The following CDK7 variants were observed in gnomAD, a reference collection of about 807,000 sequenced individuals.
The protein encoded by CDK7 is cyclin dependent kinase 7.
A neutral mutation model predicts 49.1 loss-of-function variants in CDK7; 25 were observed. The observed-to-expected ratio is 0.51, with a 90% CI of 0.37 to 0.71. The LOEUF (loss-of-function observed/expected upper bound fraction) is 0.71, where lower values mean the gene tolerates loss of function less well. CDK7 is among the 30% of genes least tolerant of loss of function. CDK7 has a pLI of 0.00. For missense variants in CDK7, 316 were observed against 411.7 expected (o/e 0.77, Z 2.01); for synonymous variants, 107 against 140.0 (o/e 0.76, Z 1.67).
intron 8 of CDK7, among the ~76,000 whole-genome samples, chr5:69,268,558 A>G (rs1162707199): frequency 6.6e-6 from 1 of 152,230 alleles, no homozygotes; most frequent in Non-Finnish European, 1.5e-5. Context: ...CAGGTATCAA[A>G]AACCACTTTG....
intron 2 of CDK7, among the ~76,000 whole-genome samples, chr5:69,246,768 C>T (rs1033587063): frequency 2.0e-5 from 3 of 151,460 alleles, no homozygotes; most frequent in Non-Finnish European, 4.4e-5. Context: ...CTGCTTTCCC[C>T]GTATCCCAAG....
In CDK7 at chr5:69,255,679, C is replaced by T. The variant is rs753966897; in HGVS notation, c.297+151C>T. ...GATGTACTCTGAGGCAAAAGGATCTCTAGTTATTTTCTTCTAATCATTTAG... is the reference window on the plus strand; with the variant it reads ...GATGTACTCTGAGGCAAAAGGATCTTTAGTTATTTTCTTCTAATCATTTAG... On this transcript the variant is annotated intron_variant, in intron 5 of 11. Transcript: ENST00000256443. 25 of 708,142 alleles carry T rather than the reference C, an allele frequency of 3.5e-5. 1 individual carries two copies. The Middle Eastern group carries it at 7.1e-4, about 20-fold the overall frequency. 43.9% of individuals were successfully genotyped at this position (708,142 alleles called of 1,614,324 possible).
intron 2 of CDK7, among the ~76,000 whole-genome samples, chr5:69,240,697 G>A (rs1416712489): frequency 2.0e-5 from 3 of 152,102 alleles, no homozygotes; most frequent in African/African-American, 7.2e-5. Context: ...GCGCGATCTC[G>A]GCTCACTGCA....
At chr5:69,259,747 C>T (rs982080809) in intron 6 of CDK7, 71 bp from the exon 7 acceptor site, 20 of 889,758 alleles carry the variant, frequency 2.2e-5, no homozygotes, top group Middle Eastern at 2.7e-4. Flanking sequence ...AAAGTTATGC[C>T]AACTAAATGT....
intron 9 of CDK7, among the ~76,000 whole-genome samples, chr5:69,271,503 AT>A (rs1012281655): frequency 3.3e-4 from 41 of 123,684 alleles, no homozygotes; most frequent in East Asian, 1.2e-3. Flanking sequence ...TTTTTTGACA[AT>A]TTTTTTTTCT....
intron 1 of CDK7, 118 bp from the exon 2 acceptor site, chr5:69,235,276 C>T: frequency 1.2e-6 from 1 of 855,096 alleles, no homozygotes; most frequent in Non-Finnish European, 1.9e-6. Flanking sequence ...CGCCACGTTT[C>T]CAGCCGCCGC....
At chr5:69,261,202 G>T (rs1750787772) in intron 7 of CDK7, among the ~76,000 whole-genome samples, 1 of 152,210 alleles carries the variant, frequency 6.6e-6, no homozygotes, top group South Asian at 2.1e-4. Context: ...TGAGTAAGAA[G>T]TAGGGGATGT....
At chr5:69,247,020 T>A (rs1055173929) in intron 2 of CDK7, among the ~76,000 whole-genome samples, 1 of 152,246 alleles carries the variant, frequency 6.6e-6, no homozygotes, top group Non-Finnish European at 1.5e-5. Context: ...GCCTAACATA[T>A]GGTCTGTCCT....
At position 69,235,200 on chromosome 5, in the gene CDK7, TG is replaced by T. The variant is rs1748876029; in HGVS notation, c.66+164del. On this transcript the variant is annotated intron_variant, in intron 1 of 11. Transcript: ENST00000256443. ...CACTTGCTGCCCATTCTTTACATCC[TG>T]GGGGTGAATCCCTGAGGGGCCTCTC... 2.2e-5 allele frequency: 17 copies of T among 772,590 alleles called. No individual in the cohort carries two copies. In the South Asian group the frequency reaches 2.7e-4, roughly 12 times the overall value. 47.9% of individuals were successfully genotyped at this position (772,590 alleles called of 1,614,324 possible). A position where few individuals can be genotyped will look rare whatever the true frequency, so the allele number is the denominator to read the frequency against.
chr5:69,237,862 C>A (rs779746930), intron 2 of CDK7, among the ~76,000 whole-genome samples: 1 of 152,156 alleles, frequency 6.6e-6, no homozygotes, highest in South Asian at 2.1e-4. Context: ...TTGCCTAGGC[C>A]TCCCTAATTG....
intron 5 of CDK7, among the ~76,000 whole-genome samples, chr5:69,257,435 T>C (rs529150625): frequency 8.9e-4 from 136 of 152,338 alleles, no homozygotes; most frequent in African/African-American, 3.2e-3. Flanking sequence ...AGTCTTACGC[T>C]TTAACTAAGC....
chr5:69,251,566 G>A (rs1462173310), intron 2 of CDK7, among the ~76,000 whole-genome samples: 1 of 152,082 alleles, frequency 6.6e-6, no homozygotes, highest in Non-Finnish European at 1.5e-5. Flanking sequence ...GTTTGAGACA[G>A]TCTCTCTCTG....
At position 69,251,829 on chromosome 5, in the gene CDK7, C is replaced by T. The variant is rs1025763654; in HGVS notation, c.127-589C>T. Among the ~76,000 whole-genome samples the T allele has an allele frequency of 5.3e-5, 8 of 152,320 alleles. No individual in the cohort carries two copies. The East Asian group carries it at 9.6e-4, about 18-fold the overall frequency. On this transcript the variant is annotated intron_variant, in intron 2 of 11. Transcript: ENST00000256443. ...ATTTACAAGTGTGAGCCACTACACC[C>T]CGCCAGTCTTTTCTTGATTACTGAC...
At chr5:69,267,835 C>G (rs1751261798) in intron 8 of CDK7, among the ~76,000 whole-genome samples, 2 of 152,112 alleles carry the variant, frequency 1.3e-5, no homozygotes, top group Admixed American at 6.6e-5. Flanking sequence ...ACAACCTTGT[C>G]CACAATTTGG....
intron 2 of CDK7, among the ~76,000 whole-genome samples, chr5:69,236,948 G>A (rs149820771): frequency 0.03 from 4,314 of 142,628 alleles, 236 homozygotes; most frequent in African/African-American, 0.11. Context: ...CACTGTGCCT[G>A]GCCTTCTTTT....
At chr5:69,238,242 G>A (rs967815815) in intron 2 of CDK7, among the ~76,000 whole-genome samples, 20 of 149,330 alleles carry the variant, frequency 1.3e-4, no homozygotes, top group African/African-American at 2.5e-5. Context: ...TCTTAAATCT[G>A]TGTATCTCAA....
chr5:69,264,580 A>G (rs780231705), intron 8 of CDK7, among the ~76,000 whole-genome samples: 6 of 152,314 alleles, frequency 3.9e-5, no homozygotes, highest in Admixed American at 2.0e-4. Context: ...GGATTCTAGA[A>G]TGTACCAACA....
At position 69,277,151 on chromosome 5, in the gene CDK7, A is replaced by G. The variant is rs545813153; in HGVS notation, c.*16A>G. The G allele has an allele frequency of 4.4e-6, 7 of 1,581,184 alleles. No homozygotes were observed. In the South Asian group the frequency reaches 4.8e-5, roughly 11 times the overall value. On this transcript the variant is annotated 3_prime_UTR_variant, in exon 12 of 12. Transcript: ENST00000256443. ...AATTTTTTAAAGAGAACACTGGACAACATTTTACTACTGAGGGAAATAGCC... is the reference window on the plus strand; with the variant it reads ...AATTTTTTAAAGAGAACACTGGACAGCATTTTACTACTGAGGGAAATAGCC...
At chr5:69,258,010 A>T (rs1384966452) in intron 5 of CDK7, 33 bp from the exon 6 acceptor site, 3 of 987,380 alleles carry the variant, frequency 3.0e-6, no homozygotes. Context: ...GAAATAATAA[A>T]GGGTACCTGT....
Sources: gnomAD v4.1 joint callset for allele counts (sites outside exome capture counted in the v4.1 genomes callset) on GRCh38, gnomAD v4.1.1 for gene constraint, MANE v1.5 for transcripts, NCBI Gene and HGNC (gene_info 2026-07-23, HGNC 2026-07-21) for gene names.